STK32B: variants seen among roughly 807,000 people sequenced by gnomAD.
The protein encoded by STK32B is serine/threonine kinase 32B.
Under a neutral mutation model 52.6 loss-of-function variants are expected in STK32B, and 43 were observed. The ratio of observed to expected loss-of-function variants is 0.82; its 90% CI spans 0.64 to 1.05. STK32B has a LOEUF of 1.05. Ranked by LOEUF, STK32B falls within the 50% of genes least tolerant of loss-of-function variation. The probability of loss-of-function intolerance (pLI) is 0.00; values close to 1 mark genes in which losing one functional copy is unlikely to be tolerated. For synonymous variants in STK32B, 238 were observed against 204.3 expected, an observed-to-expected ratio of 1.17 and a Z score of -1.41; for missense variants, 621 against 534.6, an observed-to-expected ratio of 1.16 and a Z score of -1.59.
chr4:5,040,910 T>C, the STK32B span, among the ~76,000 whole-genome samples: 1 of 152,164 alleles, frequency 6.6e-6, no homozygotes, highest in Non-Finnish European at 1.5e-5. Context: ...CTGTAACACA[T>C]TGGCAAGTAT....
intron 3 of STK32B, among the ~76,000 whole-genome samples, chr4:5,266,765 C>A (rs1297024586): frequency 6.6e-6 from 1 of 152,112 alleles, no homozygotes; most frequent in Non-Finnish European, 1.5e-5. Flanking sequence ...TCCCCTTGGC[C>A]TCTTTGAGAT....
intron 3 of STK32B, among the ~76,000 whole-genome samples, chr4:5,196,480 T>C (rs1049087957): frequency 1.3e-5 from 2 of 151,860 alleles, no homozygotes; most frequent in East Asian, 1.9e-4. Flanking sequence ...CCCAGCACTT[T>C]AGGAGGCCAC....
intron 1 of STK32B, among the ~76,000 whole-genome samples, chr4:5,077,809 C>A (rs532012299): frequency 5.6e-4 from 85 of 152,216 alleles, no homozygotes; most frequent in Non-Finnish European, 1.0e-3. Flanking sequence ...AGTTTCAAGC[C>A]TATTTTAGGG....
In STK32B at chr4:5,323,558, G is replaced by A. The variant is rs374112527; in HGVS notation, c.261-7662G>A. Among the ~76,000 whole-genome samples, 4 of 152,292 alleles carry A rather than the reference G, an allele frequency of 2.6e-5. No homozygotes were observed. The East Asian group carries it at 5.8e-4, about 22-fold the overall frequency. The stretch of plus-strand genomic sequence containing the variant: ...GAGGCCAGAGAAAAAGGAGGTTCCT[G>A]TAGGTAGTGACATAAACAGCAGGGC... On this transcript the variant is annotated intron_variant, in intron 3 of 11. Coordinates refer to ENST00000282908, the MANE Select transcript of STK32B (RefSeq NM_018401.3).
chr4:5,179,575 G>T (rs1461547921), intron 3 of STK32B, among the ~76,000 whole-genome samples: 5 of 152,144 alleles, frequency 3.3e-5, no homozygotes, highest in Non-Finnish European at 7.4e-5. Context: ...GATGATAGAT[G>T]ATTAATAAAT....
intron 3 of STK32B, among the ~76,000 whole-genome samples, chr4:5,255,107 GAATGGTATGTTACTTTAAACTGAGATT>G (rs1430124595): frequency 6.6e-6 from 1 of 152,054 alleles, no homozygotes; most frequent in Non-Finnish European, 1.5e-5. Flanking sequence ...TTAAACAGCA[GAATGGTATGTTACTTTAAACTGAGATT>G]AATGGTATGT....
chr4:5,353,620 C>T (rs11733247), intron 4 of STK32B, among the ~76,000 whole-genome samples: 7,345 of 151,596 alleles, frequency 0.048, 239 homozygotes, highest in East Asian at 0.075. Flanking sequence ...TAAAAATGAC[C>T]AACAGGTATA....
At chr4:5,187,958 G>A (rs1217321147) in intron 3 of STK32B, among the ~76,000 whole-genome samples, 1 of 152,148 alleles carries the variant, frequency 6.6e-6, no homozygotes, top group African/African-American at 2.4e-5. Flanking sequence ...GTGGAAAATG[G>A]CCTTTCCTCT....
intron 2 of STK32B, among the ~76,000 whole-genome samples, chr4:5,146,067 C>CT (rs397952100): frequency 1.4e-5 from 2 of 147,904 alleles, no homozygotes; most frequent in Non-Finnish European, 3.0e-5. Context: ...TTTTTTTTCC[C>CT]TAGTATGGAC....
intron 3 of STK32B, among the ~76,000 whole-genome samples, chr4:5,190,958 T>A (rs973809346): frequency 6.6e-6 from 1 of 152,170 alleles, no homozygotes; most frequent in Non-Finnish European, 1.5e-5. Flanking sequence ...GCCTGCACTC[T>A]CTACAACGTA....
chr4:5,317,233 A>G (rs1335210207), intron 3 of STK32B, among the ~76,000 whole-genome samples: 1 of 62,056 alleles, frequency 1.6e-5, no homozygotes, highest in Non-Finnish European at 2.3e-5. Flanking sequence ...ATTATATATA[A>G]CATATATATA....
chr4:5,294,394 C>T (rs1339535331), intron 3 of STK32B, among the ~76,000 whole-genome samples: 1 of 152,052 alleles, frequency 6.6e-6, no homozygotes, highest in East Asian at 1.9e-4. Flanking sequence ...ATTGATTCTT[C>T]CTATCCATGA....
chr4:5,452,452 G>A (rs1716091967), intron 7 of STK32B, among the ~76,000 whole-genome samples: 2 of 152,268 alleles, frequency 1.3e-5, no homozygotes, highest in Middle Eastern at 3.4e-3. Context: ...AATGGAGTCT[G>A]TGATCTCCAT....
At chr4:5,493,659 A>T (rs531026276) in intron 11 of STK32B, among the ~76,000 whole-genome samples, 5 of 151,970 alleles carry the variant, frequency 3.3e-5, no homozygotes, top group Admixed American at 1.3e-4. Context: ...TAGTTCTTTT[A>T]ATGGTGATGT....
intron 3 of STK32B, among the ~76,000 whole-genome samples, chr4:5,262,552 G>A (rs1388018213): frequency 6.6e-6 from 1 of 151,572 alleles, no homozygotes; most frequent in Non-Finnish European, 1.5e-5. Context: ...GTGAACCTGG[G>A]AGATGGAGCT....
At chr4:5,084,446 A>T (rs1018729572) in intron 1 of STK32B, among the ~76,000 whole-genome samples, 6 of 152,230 alleles carry the variant, frequency 3.9e-5, no homozygotes, top group Non-Finnish European at 8.8e-5. Context: ...CTAAAATGGA[A>T]TATTTTGAAG....
intron 1 of STK32B, among the ~76,000 whole-genome samples, chr4:5,124,000 C>A (rs970823582): frequency 1.3e-5 from 2 of 152,158 alleles, no homozygotes; most frequent in African/African-American, 4.8e-5. Flanking sequence ...TTACTTTTCA[C>A]AACACACCTG....
chr4:5,488,739 C>A (rs1301402257), intron 11 of STK32B, among the ~76,000 whole-genome samples: 1 of 152,090 alleles, frequency 6.6e-6, no homozygotes, highest in East Asian at 1.9e-4. Context: ...TTGCAACCTT[C>A]CTTAGCAAAA....
In STK32B at chr4:5,369,224, G is replaced by T. The variant is rs76560538; in HGVS notation, c.435-28983G>T. ...GCCCAGAGCTTCATCCTAGTGGGTA[G>T]AGAACCACACCCTAAGCATGGCAGA... On this transcript the variant is annotated intron_variant, in intron 4 of 11. Coordinates refer to ENST00000282908, the MANE Select transcript of STK32B (RefSeq NM_018401.3). Among the ~76,000 whole-genome samples the T allele has an allele frequency of 3.2e-3, 480 of 151,948 alleles. 4 individuals carry two copies. The highest frequency in any genetic ancestry group is 0.018 in the Admixed American group (273 of 15,262).
Sources: allele counts gnomAD v4.1 joint callset (sites outside exome capture counted in the v4.1 genomes callset), GRCh38; gene constraint gnomAD v4.1.1; transcripts MANE v1.5; gene names NCBI Gene and HGNC (gene_info 2026-07-23, HGNC 2026-07-21).